AGRN: variants seen among roughly 807,000 people sequenced by gnomAD.
AGRN encodes agrin.
In AGRN, 106 loss-of-function variants were observed where a neutral mutation model predicts 211.0. The observed-to-expected ratio is 0.50, with a 90% CI of 0.43 to 0.59. The LOEUF (loss-of-function observed/expected upper bound fraction) is 0.59, where lower values mean the gene tolerates loss of function less well. AGRN is among the 20% of genes least tolerant of loss of function. The probability of loss-of-function intolerance (pLI) is 0.00; values close to 1 mark genes in which losing one functional copy is unlikely to be tolerated. For synonymous variants in AGRN, 1,525 were observed against 1,332.5 expected (o/e 1.14, Z -3.15); for missense variants, 3,040 against 2,982.6 (o/e 1.02, Z -0.45).
intron 9 of AGRN, 37 bp downstream of exon 9, chr1:1,043,769 T>C (rs1375377095): frequency 2.5e-6 from 4 of 1,604,440 alleles, no homozygotes; most frequent in South Asian, 1.1e-5. Flanking sequence ...GCCAGGGTCC[T>C]GTGCCTCCCT....
chr1:1,052,397 A>G (rs1300408306), intron 33 of AGRN: 10 of 315,464 alleles, frequency 3.2e-5, no homozygotes, highest in South Asian at 7.3e-5. Flanking sequence ...GTCCATGTAT[A>G]TGTGTGTGTG....
At chr1:1,022,082 C>G in intron 1 of AGRN, 119 bp from the exon 2 acceptor site, 1 of 1,336,680 alleles carries the variant, frequency 7.5e-7, no homozygotes, top group Non-Finnish European at 1.1e-6. Flanking sequence ...AGAGGTCTCC[C>G]CACATCTCTG....
At chr1:1,022,598 C>CCTGTGGTCTGA in intron 2 of AGRN, 136 bp downstream of exon 2, 3 of 797,196 alleles carry the variant, frequency 3.8e-6, no homozygotes, top group Admixed American at 2.9e-5. Context: ...TGTGGTCCAA[C>CCTGTGGTCTGA]CTCATTCTCT....
Position 1,041,682 on chromosome 1 carries a change from C to A in AGRN, c.1157C>A (p.Ser386Tyr), listed in dbSNP as rs28450113. 1 of 1,607,786 alleles carries A rather than the reference C, an allele frequency of 6.2e-7. No homozygotes were observed. Among genetic ancestry groups the A allele is most frequent in the Non-Finnish European group, 8.5e-7 (1 of 1,177,002 alleles). The change falls in exon 6 of 36, where the codon TCC (serine) becomes TAC (tyrosine). Residue 386 changes from serine (S) to tyrosine (Y), a missense_variant. Physicochemically the swap from Ser to Tyr is moderately radical, Grantham distance 144. Around this residue, in one of 3 missense-constraint regions of AGRN, gnomAD observed 1,498 missense variants for 1,457.8 expected, o/e 1.03. Coordinates refer to ENST00000379370, the MANE Select transcript of AGRN (RefSeq NM_198576.4). Reference protein sequence around the residue: ...ARGLLLQKVRSGQCQGRDQCP... With the variant: ...ARGLLLQKVRYGQCQGRDQCP... Reference sequence around the variant, plus strand: ...GGTCTCCTCCTGCAGAAAGTGCGCTCCGGCCAGTGCCAGGGTCGAGGTGAG... The same window carrying A: ...GGTCTCCTCCTGCAGAAAGTGCGCTACGGCCAGTGCCAGGGTCGAGGTGAG...
At chr1:1,047,026 C>G in intron 19 of AGRN, 69 bp downstream of exon 19, 1 of 1,544,886 alleles carries the variant, frequency 6.5e-7, no homozygotes, top group South Asian at 1.2e-5. Flanking sequence ...GCCCCCTCGC[C>G]TGGGCAGCAG....
rs1374275956 is a variant in AGRN, at chr1:1,047,758, G to T, written c.3632-18G>T. 6.2e-7 allele frequency: 1 copy of T among 1,610,048 alleles called. No individual in the cohort carries two copies. Among genetic ancestry groups the T allele is most frequent in the Admixed American group, 1.7e-5 (1 of 59,566 alleles). Reference sequence around the variant, plus strand: ...GATGCCTGGGGCTCTGCCATGCTCAGAGCTCCCTCCTCCCCAGCCACAGCC... The same window carrying T: ...GATGCCTGGGGCTCTGCCATGCTCATAGCTCCCTCCTCCCCAGCCACAGCC... On this transcript the variant is annotated intron_variant, in intron 21 of 35. Transcript: ENST00000379370.
chr1:1,030,716 G>GT (rs1644649723), intron 2 of AGRN, among the ~76,000 whole-genome samples: 1 of 95,216 alleles, frequency 1.1e-5, no homozygotes, highest in African/African-American at 4.0e-5. Flanking sequence ...TGCTGTGTGA[G>GT]ATCAGCATGT....
intron 33 of AGRN, chr1:1,052,431 T>C (rs1645324612): frequency 3.3e-6 from 1 of 301,068 alleles, no homozygotes; most frequent in African/African-American, 2.2e-5. Flanking sequence ...GACATGTAGA[T>C]ATGCGTGTGT....
In AGRN at chr1:1,028,086, ACACT is replaced by A. The variant is rs201613192; in HGVS notation, c.463+5628_463+5631del. ...CATCATCAGTGCCTTCCCCATTCAC[ACACT>A]CACGGTTGGCACCTCCACGGGGCTT... On this transcript the variant is annotated intron_variant, in intron 2 of 35. Coordinates refer to ENST00000379370, the MANE Select transcript of AGRN (RefSeq NM_198576.4). 8.8e-3 allele frequency among the ~76,000 whole-genome samples: 1,335 copies of A among 152,024 alleles called. 19 individuals are homozygous for A. Among genetic ancestry groups the A allele is most frequent in the African/African-American group, 0.031 (1,265 of 41,472 alleles).
Position 1,031,485 on chromosome 1 carries a change from G to T in AGRN, c.464-3792G>T, listed in dbSNP as rs555698444. On this transcript the variant is annotated intron_variant, in intron 2 of 35. Transcript: ENST00000379370. This position sits in a 1 kb window ranked among gnomAD's most constrained non-coding sequence, Gnocchi z 4.8. ...TCAATGGCCCTTTGTCTTTCTGAAG[G>T]CATCTGGGCCTCTGTGGGGGGCTCA... Among the ~76,000 whole-genome samples the T allele has an allele frequency of 6.6e-6, 1 of 152,268 alleles. No homozygotes were observed. Among genetic ancestry groups the T allele is most frequent in the South Asian group, 2.1e-4 (1 of 4,826 alleles).
Position 1,055,190 on chromosome 1 carries a change from C to G in AGRN, c.*209C>G. On this transcript the variant is annotated 3_prime_UTR_variant, in exon 36 of 36. Transcript: ENST00000379370. The stretch of plus-strand genomic sequence containing the variant: ...TGGAGGGCTCGGCGTGGATGGCAGC[C>G]TCAGGACACACACCCCTGCCTCAAG... 1 of 756,238 alleles carries G rather than the reference C, an allele frequency of 1.3e-6. No individual in the cohort carries two copies. The highest frequency in any genetic ancestry group is 2.2e-6 in the Non-Finnish European group (1 of 461,398). 46.8% of individuals were successfully genotyped at this position (756,238 alleles called of 1,614,324 possible).
intron 24 of AGRN, 65 bp downstream of exon 24, chr1:1,049,124 G>GGGCC: frequency 1.3e-6 from 1 of 756,444 alleles, no homozygotes; most frequent in Non-Finnish European, 1.9e-6. Flanking sequence ...GCGGGGGAGG[G>GGGCC]GGGGCCGGGG....
intron 3 of AGRN, among the ~76,000 whole-genome samples, chr1:1,036,087 A>T (rs1446043463): frequency 6.6e-6 from 1 of 151,906 alleles, no homozygotes; most frequent in African/African-American, 2.4e-5. Context: ...ACTGGGTCTC[A>T]CTTGCGTTCA....
Position 1,050,563 on chromosome 1 carries a change from G to C in AGRN, c.5113G>C (p.Asp1705His). The part of the protein sequence containing the change: ...LRDRRLEFRY[D>H]LGKGAAVIRS... ...GGACCGCCGCCTGGAGTTCCGCTAC[G>C]ACCTGGGCAAGGGGGCAGCGGTCAT... Residue 1705 changes from aspartate (D) to histidine (H), a missense_variant, in exon 29 of 36, where the codon GAC (aspartate) becomes CAC (histidine). Asp to His is a moderately conservative substitution (Grantham distance 81, BLOSUM62 -1). This residue lies in a region of AGRN where 1,537 missense variants were observed against 1,505.0 expected (regional missense o/e 1.02). Transcript: ENST00000379370. 1 of 1,612,234 alleles carries C rather than the reference G, an allele frequency of 6.2e-7. No homozygotes were observed. Among genetic ancestry groups the C allele is most frequent in the Non-Finnish European group, 8.5e-7 (1 of 1,179,670 alleles).
At chr1:1,021,995 C>T (rs1455661233) in intron 1 of AGRN, among the ~76,000 whole-genome samples, 1 of 152,236 alleles carries the variant, frequency 6.6e-6, no homozygotes, top group Non-Finnish European at 1.5e-5. Flanking sequence ...TCACAGGTGA[C>T]GCATCTCTGA....
chr1:1,027,376 C>T (rs551670735), intron 2 of AGRN, among the ~76,000 whole-genome samples: 57 of 152,308 alleles, frequency 3.7e-4, no homozygotes, highest in Non-Finnish European at 5.9e-4. Flanking sequence ...GGGTTCAGCC[C>T]GGGCTGGTGC....
chr1:1,050,921 C>T (rs987020086), intron 30 of AGRN, 84 bp downstream of exon 30: 27 of 1,532,172 alleles, frequency 1.8e-5, no homozygotes, highest in African/African-American at 1.4e-4. Context: ...CCGGCGCTCA[C>T]GGAGCTGTTT....
chr1:1,021,749 G>T (rs1489212963), intron 1 of AGRN, among the ~76,000 whole-genome samples: 1 of 152,270 alleles, frequency 6.6e-6, no homozygotes, highest in Non-Finnish European at 1.5e-5. Flanking sequence ...CGAGGAAGGG[G>T]CGTCTCAGCC....
intron 33 of AGRN, chr1:1,052,586 G>A (rs1388845035): frequency 4.9e-6 from 1 of 202,480 alleles, no homozygotes; most frequent in Non-Finnish European, 1.0e-5. Context: ...GTGTGTCTGA[G>A]TGTGTGCGCA....
Sources: gnomAD v4.1 joint callset for allele counts (sites outside exome capture counted in the v4.1 genomes callset) on GRCh38, gnomAD v4.1.1 for gene constraint, gnomAD v4.1.1 regional missense constraint, Gnocchi (gnomAD v3.1) non-coding constraint, MANE v1.5 for transcripts, NCBI Gene and HGNC (gene_info 2026-07-23, HGNC 2026-07-21) for gene names.